KIF6: variants seen among roughly 807,000 people sequenced by gnomAD.
KIF6 encodes the protein kinesin family member 6.
KIF6 carries 106 observed loss-of-function variants against 112.7 expected under a neutral mutation model. That is an observed-to-expected ratio of 0.94 (90% CI 0.80 to 1.11). The LOEUF (loss-of-function observed/expected upper bound fraction) is 1.11. Ranked by LOEUF, KIF6 falls within the 50% of genes least tolerant of loss-of-function variation. The pLI, the probability that KIF6 is intolerant of heterozygous loss-of-function variation, is 0.00. For missense variants in KIF6, 929 were observed against 964.0 expected (o/e 0.96, Z 0.48); for synonymous variants, 339 against 339.9 (o/e 1.00, Z 0.03).
At chr6:39,388,688 GA>G (rs1767623670) in intron 15 of KIF6, among the ~76,000 whole-genome samples, 1 of 152,196 alleles carries the variant, frequency 6.6e-6, no homozygotes, top group African/African-American at 2.4e-5. Flanking sequence ...AAAAGGAGTT[GA>G]GGGGGATTGC....
At chr6:39,393,533 G>A (rs1768040133) in intron 15 of KIF6, among the ~76,000 whole-genome samples, 1 of 151,872 alleles carries the variant, frequency 6.6e-6, no homozygotes, top group Non-Finnish European at 1.5e-5. Flanking sequence ...ACAAAGATGG[G>A]GGATAAAAGA....
At chr6:39,385,779 T>C in intron 15 of KIF6, 107 bp from the exon 16 acceptor site, 1 of 734,832 alleles carries the variant, frequency 1.4e-6, no homozygotes, top group East Asian at 2.5e-5. Context: ...AAAGGTAGAG[T>C]AAGGGAAACA....
intron 13 of KIF6, among the ~76,000 whole-genome samples, chr6:39,508,207 T>A (rs1776553307): frequency 6.7e-6 from 1 of 149,994 alleles, no homozygotes; most frequent in Admixed American, 6.6e-5. Flanking sequence ...AACAGGGGAG[T>A]TCTACGTGCA....
intron 3 of KIF6, among the ~76,000 whole-genome samples, chr6:39,674,311 G>A (rs1378646002): frequency 6.6e-6 from 1 of 152,166 alleles, no homozygotes; most frequent in African/African-American, 2.4e-5. Flanking sequence ...AAAGGAAAGA[G>A]GACAGGGGCC....
chr6:39,519,603 G>A (rs1777266200), intron 13 of KIF6, among the ~76,000 whole-genome samples: 2 of 152,054 alleles, frequency 1.3e-5, no homozygotes, highest in African/African-American at 4.8e-5. Flanking sequence ...GGGATTCTGC[G>A]AGTCTAGGAA....
At chr6:39,578,840 GTTACATTA>G (rs1158762310) in intron 9 of KIF6, among the ~76,000 whole-genome samples, 1 of 152,042 alleles carries the variant, frequency 6.6e-6, no homozygotes, top group Admixed American at 6.6e-5. Context: ...TTATGTAAAT[GTTACATTA>G]CTGCATGTAA....
intron 10 of KIF6, among the ~76,000 whole-genome samples, chr6:39,550,473 A>G (rs1225686759): frequency 6.6e-6 from 1 of 152,214 alleles, no homozygotes; most frequent in Non-Finnish European, 1.5e-5. Flanking sequence ...ATTATTCTAG[A>G]GAATTTACTA....
chr6:39,460,222 T>C lies in KIF6; in HGVS notation c.1646-29061A>G, dbSNP rs866782577. 4.6e-3 allele frequency among the ~76,000 whole-genome samples: 566 copies of C among 123,546 alleles called. 5 individuals are homozygous for C. Among genetic ancestry groups the C allele is most frequent in the African/African-American group, 0.016 (524 of 31,808 alleles). 81.1% of individuals were successfully genotyped at this position (123,546 alleles called of 152,430 possible). ...AAAAATGATGAGTTCATGTCCTTTG[T>C]AGGGACATGGATGAAACTGGAAACC... On this transcript the variant is annotated intron_variant, in intron 13 of 22. Transcript: ENST00000287152.
chr6:39,667,288 A>T (rs1348964807), intron 3 of KIF6, among the ~76,000 whole-genome samples: 1 of 50,464 alleles, frequency 2.0e-5, no homozygotes, highest in Non-Finnish European at 4.0e-5. Flanking sequence ...ATGGGGTGGG[A>T]GGGGTGGGGA....
intron 3 of KIF6, among the ~76,000 whole-genome samples, chr6:39,645,864 G>A (rs972454675): frequency 8.6e-5 from 13 of 151,778 alleles, no homozygotes; most frequent in African/African-American, 3.1e-4. Flanking sequence ...GCAAACTATC[G>A]CAAGGACAAA....
chr6:39,685,568 A>G (rs1197948337), intron 3 of KIF6, among the ~76,000 whole-genome samples: 1 of 152,270 alleles, frequency 6.6e-6, no homozygotes, highest in Non-Finnish European at 1.5e-5. Flanking sequence ...CTAAGTGCCC[A>G]TTTGAAATAT....
At chr6:39,704,462 T>C (rs1416143804) in intron 3 of KIF6, among the ~76,000 whole-genome samples, 1 of 151,924 alleles carries the variant, frequency 6.6e-6, no homozygotes, top group Non-Finnish European at 1.5e-5. Flanking sequence ...CTACTAAAAA[T>C]ACAAAATTAG....
chr6:39,678,496 C>T (rs1212834983), intron 3 of KIF6, among the ~76,000 whole-genome samples: 2 of 152,132 alleles, frequency 1.3e-5, no homozygotes, highest in Non-Finnish European at 2.9e-5. Context: ...CTGGGTAAAG[C>T]TCTAGGATGA....
intron 13 of KIF6, among the ~76,000 whole-genome samples, chr6:39,461,444 T>C (rs1187633877): frequency 6.6e-6 from 1 of 152,166 alleles, no homozygotes; most frequent in African/African-American, 2.4e-5. Context: ...ATGATGTAAG[T>C]CATACATATA....
At chr6:39,408,945 G>C (rs147223469) in intron 15 of KIF6, among the ~76,000 whole-genome samples, 1 of 152,208 alleles carries the variant, frequency 6.6e-6, no homozygotes, top group African/African-American at 2.4e-5. Context: ...GACTAACTTA[G>C]TCCTCTTCCC....
chr6:39,498,535 T>G (rs531873232), intron 13 of KIF6, among the ~76,000 whole-genome samples: 1 of 152,218 alleles, frequency 6.6e-6, no homozygotes, highest in Admixed American at 6.5e-5. Flanking sequence ...TAGTAGATTT[T>G]TTTTCCTTTG....
chr6:39,456,697 C>CA (rs1263704552), intron 13 of KIF6, among the ~76,000 whole-genome samples: 1 of 85,910 alleles, frequency 1.2e-5, no homozygotes, highest in Non-Finnish European at 2.1e-5. Context: ...CAATGGAAAA[C>CA]AAAAAAAGGC....
intron 3 of KIF6, among the ~76,000 whole-genome samples, chr6:39,706,493 T>TCC (rs1301529756): frequency 1.2e-4 from 18 of 152,210 alleles, no homozygotes; most frequent in Non-Finnish European, 2.2e-4. Flanking sequence ...TTTAAGCTGA[T>TCC]ATGTTAGTGT....
rs116119382 is a variant in KIF6 at position 39,524,213 on chromosome 6, T to C, written c.1645+15790A>G. ...GAGTGAGAAAGAGAGGGACCTTCTGTTCCCTGACAGGGCTTGTGCTCTTGG... is the reference window on the plus strand; with the variant it reads ...GAGTGAGAAAGAGAGGGACCTTCTGCTCCCTGACAGGGCTTGTGCTCTTGG... On this transcript the variant is annotated intron_variant, in intron 13 of 22. Transcript: ENST00000287152. Among the ~76,000 whole-genome samples the C allele has an allele frequency of 4.5e-3, 683 of 152,124 alleles. 5 individuals carry two copies. Among genetic ancestry groups the C allele is most frequent in the African/African-American group, 0.016 (644 of 41,508 alleles).
Sources: gnomAD v4.1 joint callset for allele counts (sites outside exome capture counted in the v4.1 genomes callset) on GRCh38, gnomAD v4.1.1 for gene constraint, MANE v1.5 for transcripts, NCBI Gene and HGNC (gene_info 2026-07-23, HGNC 2026-07-21) for gene names.